Variants in PITPNM3 observed in about 807,000 individuals in gnomAD.
The protein encoded by PITPNM3 is membrane-associated phosphatidylinositol transfer protein 3.
PITPNM3 carries 26 observed loss-of-function variants against 102.0 expected under a neutral mutation model. The ratio of observed to expected loss-of-function variants is 0.25; its 90% CI spans 0.19 to 0.35. The LOEUF (loss-of-function observed/expected upper bound fraction) is 0.35, where lower values mean the gene tolerates loss of function less well. Ranked by LOEUF, PITPNM3 falls within the 10% of genes least tolerant of loss-of-function variation. PITPNM3 has a pLI of 1.00. For missense variants in PITPNM3, 1,083 were observed against 1,346.1 expected (o/e 0.80, Z 3.06); for synonymous variants, 578 against 558.6 (o/e 1.03, Z -0.49).
rs937943999 is a variant in PITPNM3 at position 6,537,556 on chromosome 17, G to T, written c.118+431C>A. ...CCACCTTGGCCTCCCAAAGTGCTGG[G>T]ATTACAGGTGTGAGCCACCACGCCT... On this transcript the variant is annotated intron_variant, in intron 2 of 19. Transcript: ENST00000262483. The surrounding 1 kb of genome is among the most constrained non-coding windows in gnomAD (Gnocchi z 4.4). Among the ~76,000 whole-genome samples, 1 of 152,232 alleles carries T rather than the reference G, an allele frequency of 6.6e-6. No homozygotes were observed. Among genetic ancestry groups the T allele is most frequent in the Non-Finnish European group, 1.5e-5 (1 of 68,052 alleles).
At chr17:6,510,867 T>C (rs549319578) in intron 3 of PITPNM3, among the ~76,000 whole-genome samples, 1 of 152,192 alleles carries the variant, frequency 6.6e-6, no homozygotes, top group South Asian at 2.1e-4. Context: ...AGAGATGAAG[T>C]CAGGGGAAGA....
intron 17 of PITPNM3, among the ~76,000 whole-genome samples, chr17:6,463,431 G>C (rs959580614): frequency 6.6e-6 from 1 of 150,714 alleles, no homozygotes; most frequent in Non-Finnish European, 1.5e-5. Flanking sequence ...GGGAGGCAGG[G>C]AGGGAAGGAG....
Position 6,556,007 on chromosome 17 carries a change from T to C in PITPNM3, c.22+378A>G. Among the ~76,000 whole-genome samples, 1 of 151,998 alleles carries C rather than the reference T, an allele frequency of 6.6e-6. No homozygotes were observed. Among genetic ancestry groups the C allele is most frequent in the East Asian group, 2.0e-4 (1 of 5,120 alleles). On this transcript the variant is annotated intron_variant, in intron 1 of 19. Coordinates refer to ENST00000262483, the MANE Select transcript of PITPNM3 (RefSeq NM_031220.4). The surrounding 1 kb of genome is among the most constrained non-coding windows in gnomAD (Gnocchi z 5.2). ...AGCAGGGGGCGCGTCCCGGTTTGCGTTGGGGTGTGGGACGAAGCGGCGGCC... is the reference window on the plus strand; with the variant it reads ...AGCAGGGGGCGCGTCCCGGTTTGCGCTGGGGTGTGGGACGAAGCGGCGGCC...
chr17:6,467,148 G>A (rs748996412), intron 14 of PITPNM3, among the ~76,000 whole-genome samples: 49 of 150,622 alleles, frequency 3.3e-4, no homozygotes, highest in South Asian at 6.3e-4. Flanking sequence ...TAAGCAAAAC[G>A]TAGCATCTCC....
intron 4 of PITPNM3, among the ~76,000 whole-genome samples, chr17:6,499,705 TTTA>T (rs1907056221): frequency 7.8e-5 from 1 of 12,876 alleles, no homozygotes; most frequent in Non-Finnish European, 1.8e-4. Context: ...CATCTTTTCT[TTTA>T]TTTATTTATT....
Position 6,496,853 on chromosome 17 carries a change from CAG to C in PITPNM3, c.274+6672_274+6673del, listed in dbSNP as rs1040197775. On this transcript the variant is annotated intron_variant, in intron 4 of 19. Coordinates refer to ENST00000262483, the MANE Select transcript of PITPNM3 (RefSeq NM_031220.4). ...ATGTAGATAGACTTGTATATGCGCA[CAG>C]AGACGCACACTCATCCTCATGAAAG... Among the ~76,000 whole-genome samples the C allele has an allele frequency of 1.2e-4, 18 of 152,260 alleles. No homozygotes were observed. The East Asian group carries it at 2.1e-3, about 18-fold the overall frequency.
In PITPNM3 at chr17:6,455,334, C is replaced by A. The variant is rs1377702438; in HGVS notation, c.*4G>T. On this transcript the variant is annotated 3_prime_UTR_variant, in exon 20 of 20. Coordinates refer to ENST00000262483, the MANE Select transcript of PITPNM3 (RefSeq NM_031220.4). ...CGCTCCCTGCTCTGAGCACAGCCCA[C>A]CCCTCAGGGCACCGACTCGAACTTG... 1.3e-6 allele frequency: 2 copies of A among 1,571,146 alleles called. No homozygotes were observed. The highest frequency in any genetic ancestry group is 1.2e-5 in the South Asian group (1 of 84,280).
In PITPNM3 at chr17:6,457,657, G is replaced by A; in HGVS notation, c.2556C>T (p.Gly852=). 6.2e-7 allele frequency: 1 copy of A among 1,611,158 alleles called. No individual in the cohort carries two copies. ...CAATGAAGATCTGGGAGGCAGGCAGGCCCAGCACGCTGTAGACAGAGATGT... is the reference window on the plus strand; with the variant it reads ...CAATGAAGATCTGGGAGGCAGGCAGACCCAGCACGCTGTAGACAGAGATGT... ...TKDISVYSVL[G]LPASQIFIVG... The change falls in exon 19 of 20, where the codon GGC becomes GGT. Residue 852 remains glycine, a synonymous_variant. Coordinates refer to ENST00000262483, the MANE Select transcript of PITPNM3 (RefSeq NM_031220.4). The surrounding 1 kb of genome is among the most constrained non-coding windows in gnomAD (Gnocchi z 4.7).
intron 3 of PITPNM3, among the ~76,000 whole-genome samples, chr17:6,516,967 A>G (rs1908226974): frequency 6.6e-6 from 1 of 152,228 alleles, no homozygotes; most frequent in East Asian, 1.9e-4. Flanking sequence ...TTTATCTCAG[A>G]CTTCTCACCA....
intron 9 of PITPNM3, 151 bp downstream of exon 9, chr17:6,476,878 A>AGT: frequency 3.8e-6 from 3 of 789,152 alleles, no homozygotes; most frequent in Admixed American, 3.3e-5. Context: ...GTGGTCCCTC[A>AGT]GTACAGGGCC....
chr17:6,473,976 CAAAAAAAAAA>C (rs56728914), intron 10 of PITPNM3, among the ~76,000 whole-genome samples: 11 of 96,074 alleles, frequency 1.1e-4, no homozygotes, highest in Non-Finnish European at 1.8e-4. Flanking sequence ...GACTCCATCT[CAAAAAAAAAA>C]AAAAAAAAAA....
rs1014792767 is a variant in PITPNM3, at chr17:6,537,261, T to C, written c.118+726A>G. On this transcript the variant is annotated intron_variant, in intron 2 of 19. Coordinates refer to ENST00000262483, the MANE Select transcript of PITPNM3 (RefSeq NM_031220.4). This position sits in a 1 kb window ranked among gnomAD's most constrained non-coding sequence, Gnocchi z 4.4. Reference sequence around the variant, plus strand: ...GGCTCATTTATTTTTTCTTTCTTTTTTTTTTTTTTTTTTCTGAGACAGAGT... The same window carrying C: ...GGCTCATTTATTTTTTCTTTCTTTTCTTTTTTTTTTTTTCTGAGACAGAGT... Among the ~76,000 whole-genome samples the C allele has an allele frequency of 3.6e-4, 53 of 147,396 alleles. No individual in the cohort carries two copies. Among genetic ancestry groups the C allele is most frequent in the Admixed American group, 3.5e-3 (52 of 15,060 alleles).
chr17:6,554,839 C>T (rs1299413907), intron 1 of PITPNM3, among the ~76,000 whole-genome samples: 1 of 152,180 alleles, frequency 6.6e-6, no homozygotes, highest in Non-Finnish European at 1.5e-5. Context: ...AGTCGCATTT[C>T]CTCCCTCCCA....
intron 17 of PITPNM3, among the ~76,000 whole-genome samples, chr17:6,462,079 C>A (rs1429208851): frequency 6.6e-6 from 1 of 152,152 alleles, no homozygotes; most frequent in Non-Finnish European, 1.5e-5. Context: ...GCAGATTACT[C>A]AACCCTCCCC....
chr17:6,455,461 CG>C lies in PITPNM3; in HGVS notation c.2801del (p.Pro934ArgfsTer161). The C allele has an allele frequency of 6.2e-7, 1 of 1,604,250 alleles. No homozygotes were observed. Among genetic ancestry groups the C allele is most frequent in the Non-Finnish European group, 8.5e-7 (1 of 1,179,174 alleles). ...GCTCGGGCTTGGGGTTGGCGGCGGG[CG>C]GGTCGGGCTGCTGCACTGACATGGT... is the stretch of plus-strand genomic sequence containing the variant. Reference protein sequence around the residue: ...RRTMSVQQPDPPAANPKPERA... With the variant: ...RRTMSVQQPDXPAANPKPERA... On this transcript the variant is annotated frameshift_variant, in exon 20 of 20. Transcript: ENST00000262483. LOFTEE classifies it high-confidence loss of function.
At chr17:6,523,078 C>A (rs1788720849) in intron 3 of PITPNM3, among the ~76,000 whole-genome samples, 1 of 152,136 alleles carries the variant, frequency 6.6e-6, no homozygotes, top group South Asian at 2.1e-4. Context: ...CTCTTACCCT[C>A]TCTCCTCTCT....
intron 3 of PITPNM3, among the ~76,000 whole-genome samples, chr17:6,510,818 G>C (rs961369078): frequency 2.6e-5 from 4 of 152,246 alleles, no homozygotes; most frequent in Admixed American, 2.6e-4. Flanking sequence ...GGAGTATCAA[G>C]GAGGCTTCCC....
chr17:6,529,546 A>C lies in PITPNM3; in HGVS notation c.119-4083T>G, dbSNP rs144526454. 5.0e-3 allele frequency among the ~76,000 whole-genome samples: 764 copies of C among 151,712 alleles called. 5 individuals are homozygous for C. Among genetic ancestry groups the C allele is most frequent in the African/African-American group, 0.018 (741 of 41,320 alleles). On this transcript the variant is annotated intron_variant, in intron 2 of 19. Transcript: ENST00000262483. ...GTGGCAGAGGTTGCAGTGAGCTGAG[A>C]TCGTGCTACTGCATTCCAGCCTGGT...
rs1160490800 is a variant in PITPNM3, at chr17:6,478,147, ACC to A, written c.778-52_778-51del. 1 of 1,608,332 alleles carries A rather than the reference ACC, an allele frequency of 6.2e-7. No homozygotes were observed. Among genetic ancestry groups the A allele is most frequent in the Admixed American group, 1.7e-5 (1 of 59,982 alleles). On this transcript the variant is annotated intron_variant, in intron 7 of 19. Transcript: ENST00000262483. This position sits in a 1 kb window ranked among gnomAD's most constrained non-coding sequence, Gnocchi z 4.4. ...CAGGCCTGCCCACTGCTGACCCCTCACCCCCACACCCGGCCAGAGCAGTGCTG... is the reference window on the plus strand; with the variant it reads ...CAGGCCTGCCCACTGCTGACCCCTCACCCACACCCGGCCAGAGCAGTGCTG...
Sources: allele counts gnomAD v4.1 joint callset (sites outside exome capture counted in the v4.1 genomes callset), GRCh38; gene constraint gnomAD v4.1.1; non-coding constraint Gnocchi (gnomAD v3.1); transcripts MANE v1.5; gene names NCBI Gene and HGNC (gene_info 2026-07-23, HGNC 2026-07-21).